DLG2: variants seen among roughly 807,000 people sequenced by gnomAD.
The protein encoded by DLG2 is discs large MAGUK scaffold protein 2.
A neutral mutation model predicts 132.5 loss-of-function variants in DLG2; 45 were observed. The observed-to-expected ratio is 0.34, with a 90% CI of 0.27 to 0.44. The LOEUF is 0.44. Ranked by LOEUF, DLG2 falls within the 20% of genes least tolerant of loss-of-function variation. DLG2 has a pLI of 1.00. For missense variants in DLG2, 1,045 were observed against 1,196.9 expected, an observed-to-expected ratio of 0.87 and a Z score of 1.87; for synonymous variants, 424 against 419.6, an observed-to-expected ratio of 1.01 and a Z score of -0.13.
At chr11:84,248,022 G>C (rs910841378) in intron 8 of DLG2, among the ~76,000 whole-genome samples, 8 of 152,014 alleles carry the variant, frequency 5.3e-5, no homozygotes, top group African/African-American at 1.7e-4. Flanking sequence ...AAATAGAGCT[G>C]AAATTATGTG....
chr11:84,483,587 G>A (rs117296971), intron 7 of DLG2, among the ~76,000 whole-genome samples: 1,974 of 152,160 alleles, frequency 0.013, 24 homozygotes, highest in South Asian at 0.037. Flanking sequence ...GTAAGAAGAG[G>A]ACCTGAGCTC....
chr11:85,537,520 C>T (rs1236561920), intron 3 of DLG2, among the ~76,000 whole-genome samples: 1 of 151,148 alleles, frequency 6.6e-6, no homozygotes, highest in Admixed American at 6.6e-5. Context: ...ATGAACAACT[C>T]CAGACGGGAG....
intron 4 of DLG2, among the ~76,000 whole-genome samples, chr11:85,164,914 G>A (rs946184046): frequency 6.6e-5 from 10 of 152,064 alleles, no homozygotes; most frequent in African/African-American, 2.4e-4. Context: ...TCAAATTGTG[G>A]TTCCCAGACC....
chr11:83,980,398 C>T lies in DLG2; in HGVS notation c.1056+108G>A, dbSNP rs1220196482. 5 of 1,253,198 alleles carry T rather than the reference C, an allele frequency of 4.0e-6. No individual in the cohort carries two copies. In the East Asian group the frequency reaches 1.3e-4, roughly 33 times the overall value. 77.6% of individuals were successfully genotyped at this position (1,253,198 alleles called of 1,614,324 possible). On this transcript the variant is annotated intron_variant, in intron 12 of 27. Transcript: ENST00000376104. ...ATAGATTTCTGCCATTTTAAGCCAC[C>T]CACCCTGTGGTATTTTGTGATGGCA...
chr11:85,072,302 T>C (rs1047499817), intron 6 of DLG2, among the ~76,000 whole-genome samples: 2 of 151,862 alleles, frequency 1.3e-5, no homozygotes, highest in Non-Finnish European at 2.9e-5. Context: ...CCTGTGTCCA[T>C]GGTTCTCACA....
intron 6 of DLG2, among the ~76,000 whole-genome samples, chr11:84,862,331 A>G (rs2083836467): frequency 6.6e-6 from 1 of 152,196 alleles, no homozygotes; most frequent in Non-Finnish European, 1.5e-5. Flanking sequence ...CAGATGCTGG[A>G]GAGGATGTGG....
At chr11:84,844,210 A>G (rs547208436) in intron 6 of DLG2, among the ~76,000 whole-genome samples, 3 of 144,536 alleles carry the variant, frequency 2.1e-5, no homozygotes, top group Non-Finnish European at 4.5e-5. Flanking sequence ...GATGATGATG[A>G]TGGTGGTAGT....
intron 3 of DLG2, among the ~76,000 whole-genome samples, chr11:85,443,896 T>G (rs2091895444): frequency 6.6e-6 from 1 of 152,206 alleles, no homozygotes. Flanking sequence ...TAAGCCCTAA[T>G]TTTTTCAGGA....
chr11:84,827,025 C>G (rs1055299718), intron 6 of DLG2, among the ~76,000 whole-genome samples: 21 of 151,808 alleles, frequency 1.4e-4, no homozygotes, highest in African/African-American at 5.1e-4. Flanking sequence ...TTTTTACTAT[C>G]TTCAATATAG....
intron 8 of DLG2, among the ~76,000 whole-genome samples, chr11:84,173,981 T>C (rs2095880043): frequency 6.9e-6 from 1 of 145,404 alleles, no homozygotes; most frequent in Admixed American, 7.1e-5. Flanking sequence ...GTTGCTTTTA[T>C]AATCTACCTG....
chr11:84,559,724 G>A (rs1361734481), intron 6 of DLG2, among the ~76,000 whole-genome samples: 1 of 152,006 alleles, frequency 6.6e-6, no homozygotes, highest in Non-Finnish European at 1.5e-5. Context: ...GTGTCTCTTC[G>A]GTCCTCTGAA....
chr11:83,502,102 T>C (rs2094473573), intron 21 of DLG2, among the ~76,000 whole-genome samples: 1 of 152,232 alleles, frequency 6.6e-6, no homozygotes, highest in Non-Finnish European at 1.5e-5. Context: ...ATATAGCGGA[T>C]ACTTTTATAA....
At chr11:85,586,704 T>G (rs1462083125) in intron 3 of DLG2, among the ~76,000 whole-genome samples, 1 of 152,218 alleles carries the variant, frequency 6.6e-6, no homozygotes, top group African/African-American at 2.4e-5. Flanking sequence ...CATTTGGTTC[T>G]GCTCTGATCT....
intron 7 of DLG2, among the ~76,000 whole-genome samples, chr11:84,323,977 A>G (rs1278044300): frequency 6.6e-6 from 1 of 151,878 alleles, no homozygotes; most frequent in African/African-American, 2.4e-5. Context: ...TCAAGTATAT[A>G]CTTCGCAAAT....
intron 9 of DLG2, among the ~76,000 whole-genome samples, chr11:84,135,536 A>G (rs2094569845): frequency 6.6e-6 from 1 of 152,128 alleles, no homozygotes; most frequent in African/African-American, 2.4e-5. Flanking sequence ...AGAAGGACAT[A>G]ATATCAAGTT....
At chr11:84,284,476 TAC>T (rs2097887441) in intron 7 of DLG2, among the ~76,000 whole-genome samples, 1 of 152,206 alleles carries the variant, frequency 6.6e-6, no homozygotes, top group Non-Finnish European at 1.5e-5. Context: ...AGTGATATCC[TAC>T]ACACACTGCA....
chr11:84,459,670 A>C (rs1007610650), intron 7 of DLG2, among the ~76,000 whole-genome samples: 42 of 150,650 alleles, frequency 2.8e-4, no homozygotes, highest in Admixed American at 1.3e-4. Flanking sequence ...TATATCCTGC[A>C]TAGCTATATT....
intron 7 of DLG2, among the ~76,000 whole-genome samples, chr11:84,465,458 A>G (rs1044909195): frequency 2.6e-5 from 4 of 151,270 alleles, no homozygotes; most frequent in Admixed American, 2.6e-4. Context: ...TACGTGCACC[A>G]TGAGAGACAA....
At chr11:83,564,081 T>C (rs1187958771) in intron 19 of DLG2, among the ~76,000 whole-genome samples, 2 of 149,988 alleles carry the variant, frequency 1.3e-5, no homozygotes, top group African/African-American at 2.5e-5. Flanking sequence ...AAATCAGTAA[T>C]ATAAACCTAA....
Sources: allele counts gnomAD v4.1 joint callset (sites outside exome capture counted in the v4.1 genomes callset), GRCh38; gene constraint gnomAD v4.1.1; transcripts MANE v1.5; gene names NCBI Gene and HGNC (gene_info 2026-07-23, HGNC 2026-07-21).